The following ATP11B variants were observed in gnomAD, a reference collection of about 807,000 sequenced individuals.
The protein encoded by ATP11B is ATPase phospholipid transporting 11B (putative), also known as phospholipid-transporting ATPase IF.
ATP11B carries 81 observed loss-of-function variants against 157.8 expected under a neutral mutation model. The ratio of observed to expected loss-of-function variants is 0.51; its 90% CI spans 0.43 to 0.62. The LOEUF is 0.62. ATP11B is among the 20% of genes least tolerant of loss of function. The probability of loss-of-function intolerance (pLI) is 0.00; values close to 1 mark genes in which losing one functional copy is unlikely to be tolerated. For missense variants in ATP11B, 1,165 were observed against 1,402.2 expected, an observed-to-expected ratio of 0.83 and a Z score of 2.70; for synonymous variants, 451 against 469.4, an observed-to-expected ratio of 0.96 and a Z score of 0.51.
chr3:182,856,622 C>T (rs563733870), intron 10 of ATP11B, among the ~76,000 whole-genome samples: 12 of 152,102 alleles, frequency 7.9e-5, no homozygotes, highest in East Asian at 3.9e-4. Flanking sequence ...TATAAAAATG[C>T]GAGCAGTACT....
intron 29 of ATP11B, chr3:182,914,918 C>CA: frequency 1.0e-6 from 1 of 985,290 alleles, no homozygotes; most frequent in Non-Finnish European, 1.2e-6. Flanking sequence ...CATGGAGGTA[C>CA]AAATGGGCAG....
chr3:182,860,502 G>T (rs1195770770), intron 12 of ATP11B, among the ~76,000 whole-genome samples: 2 of 151,924 alleles, frequency 1.3e-5, no homozygotes, highest in Non-Finnish European at 2.9e-5. Context: ...TTGTTTCATG[G>T]GCAATTAACT....
chr3:182,824,742 G>C (rs1393948187), intron 2 of ATP11B, among the ~76,000 whole-genome samples: 1 of 152,124 alleles, frequency 6.6e-6, no homozygotes, highest in Non-Finnish European at 1.5e-5. Context: ...GGTAAATGAG[G>C]ACTGTCTCAT....
intron 29 of ATP11B, chr3:182,916,692 CAT>C (rs1174082263): frequency 1.0e-6 from 1 of 982,666 alleles, no homozygotes; most frequent in Non-Finnish European, 1.2e-6. Flanking sequence ...TTATATTTAA[CAT>C]ATGAATGCAC....
At chr3:182,845,779 TAATTTATATAAC>T (rs1355153272) in intron 9 of ATP11B, among the ~76,000 whole-genome samples, 9 of 152,262 alleles carry the variant, frequency 5.9e-5, no homozygotes, top group African/African-American at 2.2e-4. Flanking sequence ...TGAGTGCAGA[TAATTTATATAAC>T]ACTTCTAGTA....
chr3:182,829,835 G>T, intron 4 of ATP11B, 83 bp downstream of exon 4: 2 of 1,407,652 alleles, frequency 1.4e-6, no homozygotes, highest in Non-Finnish European at 1.9e-6. Flanking sequence ...AACATTTATT[G>T]TTGTGAAAAT....
rs1294957809 is a variant in ATP11B at position 182,793,533 on chromosome 3, AGGCTCAGCTGCGCCGGGCGGGGGCG to A, written c.-225_-201del. 2.0e-5 allele frequency: 7 copies of A among 351,664 alleles called. No homozygotes were observed. The Admixed American group carries it at 3.3e-4, about 17-fold the overall frequency. 21.8% of individuals were successfully genotyped at this position (351,664 alleles called of 1,614,324 possible). On this transcript the variant is annotated 5_prime_UTR_variant, in exon 1 of 30. The change abolishes the stop of an existing upstream ORF in the 5' untranslated region. Transcript: ENST00000323116. ...ATGAAGGTGGCTGCGGCGCGGCGGC[AGGCTCAGCTGCGCCGGGCGGGGGCG>A]GCGCCGGGGCCGCGCCTGTAGGACT... is the stretch of plus-strand genomic sequence containing the variant.
rs1351373886 is a variant in ATP11B at position 182,842,120 on chromosome 3, A to G, written c.702A>G (p.Val234=). The change falls in exon 8 of 30, where the codon GTA becomes GTG. Residue 234 remains valine, a splice_region_variant and synonymous_variant. Transcript: ENST00000323116. ...MIITQQMEEI[V]RPLGPESLLL... is the part of the protein sequence containing the mutation. ...TAACCCAACAAATGGAAGAAATTGT[A>G]AGGTAAGAATTAATTTGTGTTATCT... 5.0e-6 allele frequency: 8 copies of G among 1,601,796 alleles called. No individual in the cohort carries two copies. The Admixed American group carries it at 5.0e-5, about 10-fold the overall frequency.
rs1407743560 is a variant in ATP11B at position 182,889,391 on chromosome 3, T to C, written c.2844-19T>C. On this transcript the variant is annotated intron_variant, in intron 24 of 29. Coordinates refer to ENST00000323116, the MANE Select transcript of ATP11B (RefSeq NM_014616.3). ...ATAAATGATCCCTAATATGTTTCTT[T>C]TTCTCTTCTTTTTAACAGAGACATT... 1 of 1,502,068 alleles carries C rather than the reference T, an allele frequency of 6.7e-7. No individual in the cohort carries two copies. Among genetic ancestry groups the C allele is most frequent in the South Asian group, 1.3e-5 (1 of 79,756 alleles). The allele number at this position is 1,502,068 out of a possible 1,614,324, so 93.0% of individuals were successfully genotyped here.
intron 1 of ATP11B, among the ~76,000 whole-genome samples, chr3:182,815,283 G>A (rs1381669164): frequency 6.6e-6 from 1 of 152,106 alleles, no homozygotes; most frequent in Non-Finnish European, 1.5e-5. Flanking sequence ...CATTGTGGGT[G>A]TTTTAAATTT....
chr3:182,822,360 A>G (rs1434513160), intron 2 of ATP11B, among the ~76,000 whole-genome samples: 3 of 152,032 alleles, frequency 2.0e-5, no homozygotes, highest in Non-Finnish European at 2.9e-5. Flanking sequence ...GAGTGAGAAC[A>G]TGCGGTGTTT....
intron 27 of ATP11B, among the ~76,000 whole-genome samples, chr3:182,898,160 ATATCTT>A (rs1400261627): frequency 1.3e-5 from 2 of 152,304 alleles, no homozygotes; most frequent in African/African-American, 2.4e-5. Context: ...CCCAAAAAGA[ATATCTT>A]TATAACACTT....
At chr3:182,796,660 A>G (rs940804473) in intron 1 of ATP11B, among the ~76,000 whole-genome samples, 5 of 152,204 alleles carry the variant, frequency 3.3e-5, no homozygotes, top group Admixed American at 6.5e-5. Flanking sequence ...GTGTGCTGGT[A>G]TTAACAGATG....
At chr3:182,838,405 A>G (rs1295436443) in intron 7 of ATP11B, among the ~76,000 whole-genome samples, 2 of 151,932 alleles carry the variant, frequency 1.3e-5, no homozygotes, top group South Asian at 2.1e-4. Flanking sequence ...AGTATAACTA[A>G]TGCTTTGGTG....
In ATP11B at chr3:182,898,792, A is replaced by G. The variant is rs759032602; in HGVS notation, c.3318+20A>G. On this transcript the variant is annotated intron_variant, in intron 28 of 29. Coordinates refer to ENST00000323116, the MANE Select transcript of ATP11B (RefSeq NM_014616.3). Reference sequence around the variant, plus strand: ...GCACAGGTAACCACTTTTTATAATAAATTCAATATCTTTTTAGTTAGGGAT... The same window carrying G: ...GCACAGGTAACCACTTTTTATAATAGATTCAATATCTTTTTAGTTAGGGAT... 1 of 1,442,904 alleles carries G rather than the reference A, an allele frequency of 6.9e-7. No homozygotes were observed. The highest frequency in any genetic ancestry group is 9.2e-7 in the Non-Finnish European group (1 of 1,089,232). The allele number at this position is 1,442,904 out of a possible 1,614,324, so 89.4% of individuals were successfully genotyped here. A position where few individuals can be genotyped will look rare whatever the true frequency, so the allele number is the denominator to read the frequency against.
chr3:182,800,059 A>G (rs1715892803), intron 1 of ATP11B, among the ~76,000 whole-genome samples: 1 of 152,096 alleles, frequency 6.6e-6, no homozygotes, highest in Admixed American at 6.6e-5. Flanking sequence ...GCAGTGAGCT[A>G]TGATTGTGCC....
chr3:182,868,290 A>G (rs1250212594), intron 15 of ATP11B, among the ~76,000 whole-genome samples: 1 of 150,178 alleles, frequency 6.7e-6, no homozygotes, highest in African/African-American at 2.5e-5. Context: ...TGGTTTTAGC[A>G]ATTCTGATCA....
At chr3:182,863,165 A>G (rs1229993158) in intron 12 of ATP11B, among the ~76,000 whole-genome samples, 2 of 151,990 alleles carry the variant, frequency 1.3e-5, no homozygotes, top group Non-Finnish European at 2.9e-5. Context: ...CGGCCTCCCA[A>G]AGTGCTGGGA....
At chr3:182,847,825 G>T (rs1431528966) in intron 9 of ATP11B, among the ~76,000 whole-genome samples, 1 of 152,184 alleles carries the variant, frequency 6.6e-6, no homozygotes, top group African/African-American at 2.4e-5. Context: ...GGCAGAGCTA[G>T]AATTCAAACC....
Sources: allele counts gnomAD v4.1 joint callset (sites outside exome capture counted in the v4.1 genomes callset), GRCh38; gene constraint gnomAD v4.1.1; transcripts MANE v1.5; gene names NCBI Gene and HGNC (gene_info 2026-07-23, HGNC 2026-07-21).